The following VAMP5 variants were observed in gnomAD, a reference collection of about 807,000 sequenced individuals.
VAMP5 encodes vesicle associated membrane protein 5.
In VAMP5, 10 loss-of-function variants were observed where a neutral mutation model predicts 8.1. The observed-to-expected ratio is 1.23, with a 90% CI of 0.76 to 2.09. VAMP5 has a LOEUF of 2.09. Among genes scored for constraint, VAMP5 ranks in the 30% most tolerant of loss-of-function variants. The probability of loss-of-function intolerance (pLI) is 0.00; values close to 1 mark genes in which losing one functional copy is unlikely to be tolerated. For synonymous variants in VAMP5, 62 were observed against 60.6 expected (o/e 1.02, Z -0.11); for missense variants, 135 against 152.5 (o/e 0.89, Z 0.60).
At chr2:85,586,793 C>T (rs945365479) in intron 1 of VAMP5, among the ~76,000 whole-genome samples, 17 of 152,110 alleles carry the variant, frequency 1.1e-4, no homozygotes, top group Non-Finnish European at 1.6e-4. Context: ...TAGATGCAGC[C>T]GGGCGCGGTG....
rs117717889 is a variant in VAMP5 at position 85,591,760 on chromosome 2, G to A, written c.39G>A (p.Ala13=). The A allele has an allele frequency of 1.2e-4, 195 of 1,614,152 alleles. No homozygotes were observed. In the East Asian group the frequency reaches 2.7e-3, roughly 22 times the overall value. The part of the protein sequence containing the change: ...GIELERCQQQ[A]NEVTEIMRNN... ...AGTTGGAGCGGTGCCAGCAGCAGGC[G>A]AACGAGGTGACGGAAATTATGCGTA... Residue 13 remains alanine, a synonymous_variant, in exon 2 of 3, where the codon GCG becomes GCA. Coordinates refer to ENST00000306384, the MANE Select transcript of VAMP5 (RefSeq NM_006634.3).
intron 1 of VAMP5, among the ~76,000 whole-genome samples, chr2:85,586,114 T>C (rs1222920140): frequency 6.6e-6 from 1 of 152,224 alleles, no homozygotes; most frequent in Non-Finnish European, 1.5e-5. Flanking sequence ...CCAGATTCTT[T>C]AGCCAATCAG....
intron 2 of VAMP5, 64 bp downstream of exon 2, chr2:85,591,926 A>G (rs540540803): frequency 3.6e-5 from 58 of 1,598,524 alleles, no homozygotes; most frequent in Non-Finnish European, 3.4e-5. Context: ...CTTGGGCTGT[A>G]TTCAGGATCT....
Position 85,592,974 on chromosome 2 carries a change from G to C in VAMP5, c.168G>C (p.Gln56His). ...GCTCAACCTTCAACAAGACTACACAGAACCTGGCCCAGAAGAAGTGCTGGG... is the reference window on the plus strand; with the variant it reads ...GCTCAACCTTCAACAAGACTACACACAACCTGGCCCAGAAGAAGTGCTGGG... ...DMSSTFNKTT[Q>H]NLAQKKCWEN... Residue 56 changes from glutamine to histidine, a missense_variant, in exon 3 of 3, where the codon CAG becomes CAC. Physicochemically the swap from Gln to His is conservative, Grantham distance 24. Coordinates refer to ENST00000306384, the MANE Select transcript of VAMP5 (RefSeq NM_006634.3). The C allele has an allele frequency of 6.2e-7, 1 of 1,614,072 alleles. No individual in the cohort carries two copies. The highest frequency in any genetic ancestry group is 1.1e-5 in the South Asian group (1 of 91,066).
chr2:85,585,226 A>T (rs1182787580), intron 1 of VAMP5, among the ~76,000 whole-genome samples: 2 of 152,034 alleles, frequency 1.3e-5, no homozygotes, highest in African/African-American at 4.8e-5. Flanking sequence ...AGTCATCCCC[A>T]CTCCTGCTGC....
Position 85,584,465 on chromosome 2 carries a change from C to T in VAMP5, c.-26C>T, listed in dbSNP as rs574049625. The stretch of plus-strand genomic sequence containing the variant: ...GCTCCGCAGGCAGAGAAGCCGGGAG[C>T]GGGCGAGGCGGCGGCGGCAGCAGCG... On this transcript the variant is annotated 5_prime_UTR_variant, in exon 1 of 3. Transcript: ENST00000306384. 2,430 of 1,243,950 alleles carry T rather than the reference C, an allele frequency of 2.0e-3. 38 individuals carry two copies. The African/African-American group carries it at 0.033, about 17-fold the overall frequency. The allele number at this position is 1,243,950 out of a possible 1,614,324, so 77.1% of individuals were successfully genotyped here. A position where few individuals can be genotyped will look rare whatever the true frequency, so the allele number is the denominator to read the frequency against.
At chr2:85,588,904 T>C (rs1054138809) in intron 1 of VAMP5, among the ~76,000 whole-genome samples, 1 of 152,186 alleles carries the variant, frequency 6.6e-6, no homozygotes, top group African/African-American at 2.4e-5. Flanking sequence ...TGATACTTAC[T>C]ATCTGTATCG....
Position 85,591,929 on chromosome 2 carries a change from C to T in VAMP5, c.141+67C>T, listed in dbSNP as rs1672545697. ...GGGAAAGTCTCTCTTGGGCTGTATT[C>T]AGGATCTCCAGTTCCTTGGTGGGGT... On this transcript the variant is annotated intron_variant, in intron 2 of 2. Coordinates refer to ENST00000306384, the MANE Select transcript of VAMP5 (RefSeq NM_006634.3). 1.3e-5 allele frequency: 20 copies of T among 1,594,700 alleles called. No homozygotes were observed. The East Asian group carries it at 4.5e-4, about 36-fold the overall frequency.
chr2:85,586,490 C>T (rs1221119365), intron 1 of VAMP5, among the ~76,000 whole-genome samples: 3 of 151,308 alleles, frequency 2.0e-5, no homozygotes, highest in Non-Finnish European at 2.9e-5. Flanking sequence ...GCAGGAGAAT[C>T]GCTTGAACCT....
At chr2:85,586,209 TC>T (rs1418666391) in intron 1 of VAMP5, among the ~76,000 whole-genome samples, 1 of 152,182 alleles carries the variant, frequency 6.6e-6, no homozygotes, top group Non-Finnish European at 1.5e-5. Context: ...TTGGTTCAAC[TC>T]CCAGATCTTC....
At chr2:85,588,358 AGTCT>A (rs1264927950) in intron 1 of VAMP5, among the ~76,000 whole-genome samples, 1 of 152,192 alleles carries the variant, frequency 6.6e-6, no homozygotes, top group Admixed American at 6.5e-5. Flanking sequence ...AGGGGGCAAC[AGTCT>A]GTCAAGAACA....
intron 1 of VAMP5, among the ~76,000 whole-genome samples, chr2:85,587,050 G>A (rs1451768851): frequency 6.6e-6 from 1 of 151,544 alleles, no homozygotes; most frequent in Non-Finnish European, 1.5e-5. Context: ...ACTCCAGCCT[G>A]GGCGACAGAG....
chr2:85,591,585 CAT>C, intron 1 of VAMP5, 138 bp from the exon 2 acceptor site: 1 of 1,313,580 alleles, frequency 7.6e-7, no homozygotes, highest in South Asian at 1.4e-5. Flanking sequence ...ACTCCGCACA[CAT>C]CATACCCTTA....
chr2:85,591,813 G>A lies in VAMP5; in HGVS notation c.92G>A (p.Gly31Asp). 2 of 1,614,196 alleles carry A rather than the reference G, an allele frequency of 1.2e-6. No individual in the cohort carries two copies. The highest frequency in any genetic ancestry group is 1.3e-5 in the African/African-American group (1 of 75,048). Residue 31 changes from glycine (G) to aspartate (D), a missense_variant, in exon 2 of 3, where the codon GGT becomes GAT. Transcript: ENST00000306384. The part of the protein sequence containing the change: ...RNNFGKVLER[G>D]VKLAELQQRS... ...AACTTCGGCAAGGTCCTGGAGCGTG[G>A]TGTGAAGCTGGCCGAACTGCAGCAG... is the stretch of plus-strand genomic sequence containing the variant.
intron 1 of VAMP5, among the ~76,000 whole-genome samples, chr2:85,586,872 G>A (rs1672468801): frequency 6.6e-6 from 1 of 151,948 alleles, no homozygotes; most frequent in South Asian, 2.1e-4. Context: ...TCAGGAGTTC[G>A]AGACCACCCT....
intron 1 of VAMP5, among the ~76,000 whole-genome samples, chr2:85,585,422 A>G (rs1330979996): frequency 6.6e-6 from 1 of 152,240 alleles, no homozygotes; most frequent in African/African-American, 2.4e-5. Flanking sequence ...GCTAGGGGTC[A>G]ATGCCTGGAT....
intron 1 of VAMP5, 155 bp from the exon 2 acceptor site, chr2:85,591,570 C>T (rs974617011): frequency 8.6e-7 from 1 of 1,169,472 alleles, no homozygotes. Flanking sequence ...GAAGGCCAGA[C>T]CTTCACTCCG....
At chr2:85,590,012 G>A (rs1050352795) in intron 1 of VAMP5, among the ~76,000 whole-genome samples, 1 of 152,144 alleles carries the variant, frequency 6.6e-6, no homozygotes, top group Non-Finnish European at 1.5e-5. Flanking sequence ...ATGGAGCCTT[G>A]TTGAATGCTA....
intron 1 of VAMP5, 194 bp from the exon 2 acceptor site, chr2:85,591,531 T>C: frequency 2.7e-6 from 2 of 751,682 alleles, no homozygotes; most frequent in Non-Finnish European, 4.2e-6. Context: ...GAGGAGCCTG[T>C]GAGACTTAAG....
Sources: allele counts gnomAD v4.1 joint callset (sites outside exome capture counted in the v4.1 genomes callset), GRCh38; gene constraint gnomAD v4.1.1; transcripts MANE v1.5; gene names NCBI Gene and HGNC (gene_info 2026-07-23, HGNC 2026-07-21).